The following HJURP variants were observed in gnomAD, a reference collection of about 807,000 sequenced individuals.
HJURP encodes the protein 14-3-3-associated AKT substrate.
HJURP carries 49 observed loss-of-function variants against 72.0 expected under a neutral mutation model. The ratio of observed to expected loss-of-function variants is 0.68; its 90% CI spans 0.54 to 0.86. The LOEUF (loss-of-function observed/expected upper bound fraction) is 0.86, where lower values mean the gene tolerates loss of function less well. HJURP is among the 40% of genes least tolerant of loss of function. The probability of loss-of-function intolerance (pLI) is 0.00; values close to 1 mark genes in which losing one functional copy is unlikely to be tolerated. For missense variants in HJURP, 908 were observed against 936.3 expected, an observed-to-expected ratio of 0.97 and a Z score of 0.39; for synonymous variants, 357 against 347.1, an observed-to-expected ratio of 1.03 and a Z score of -0.32.
chr2:233,849,615 G>C (rs1705450396), intron 4 of HJURP, 148 bp downstream of exon 4: 1 of 588,282 alleles, frequency 1.7e-6, no homozygotes, highest in Non-Finnish European at 3.0e-6. Context: ...GAATCAACAG[G>C]GTACTTTAAC....
chr2:233,851,325 AAC>A (rs1574651666), intron 3 of HJURP, among the ~76,000 whole-genome samples: 1 of 152,348 alleles, frequency 6.6e-6, no homozygotes, highest in East Asian at 1.9e-4. Context: ...AACCATTTCT[AAC>A]AGAGGCTTTA....
chr2:233,842,114 G>A lies in HJURP; in HGVS notation c.666C>T (p.Ser222=), dbSNP rs767879573. Residue 222 remains serine (S), a synonymous_variant, in exon 8 of 9, where the codon TCC becomes TCT. Transcript: ENST00000411486. The part of the protein sequence containing the change: ...PREWDPLHPS[S]TDMALVPRND... ...TTCTAGGTACTAAGGCCATGTCTGT[G>A]GAGGAAGGATGCAAAGGATCCCATT... 1.9e-6 allele frequency: 3 copies of A among 1,614,072 alleles called. No homozygotes were observed. Among genetic ancestry groups the A allele is most frequent in the Non-Finnish European group, 1.7e-6 (2 of 1,179,902 alleles).
At position 233,846,856 on chromosome 2, in the gene HJURP, G is replaced by T. The variant is rs192285745; in HGVS notation, c.402+541C>A. Among the ~76,000 whole-genome samples, 1 of 152,210 alleles carries T rather than the reference G, an allele frequency of 6.6e-6. No homozygotes were observed. Among genetic ancestry groups the T allele is most frequent in the Non-Finnish European group, 1.5e-5 (1 of 68,034 alleles). ...ATTCGCATCTATCCCAACCAAGGAG[G>T]ATAAGAAGCACATCCCATAAGAAAA... On this transcript the variant is annotated intron_variant, in intron 5 of 8. Coordinates refer to ENST00000411486, the MANE Select transcript of HJURP (RefSeq NM_018410.5). This position sits in a 1 kb window ranked among gnomAD's most constrained non-coding sequence, Gnocchi z 4.3.
Position 233,841,888 on chromosome 2 carries a change from T to C in HJURP, c.892A>G (p.Arg298Gly), listed in dbSNP as rs1306761019. 3 of 1,614,220 alleles carry C rather than the reference T, an allele frequency of 1.9e-6. No individual in the cohort carries two copies. The highest frequency in any genetic ancestry group is 2.5e-6 in the Non-Finnish European group (3 of 1,180,022). Residue 298 changes from arginine to glycine, a missense_variant, in exon 8 of 9, where the codon AGG (arginine) becomes GGG (glycine). By Grantham distance (125) the Arg-to-Gly change is moderately radical (BLOSUM62 -2). Transcript: ENST00000411486. The part of the protein sequence containing the change: ...FIMQNWNSRR[R>G]HRYKSRMNKT... ...TTCATCCTGCTCTTATATCTGTGCC[T>C]CCTCCTGGAGTTCCAGTTTTGCATG... is the stretch of plus-strand genomic sequence containing the variant.
intron 5 of HJURP, 78 bp downstream of exon 5, chr2:233,847,319 C>A: frequency 8.7e-7 from 1 of 1,147,070 alleles, no homozygotes; most frequent in East Asian, 2.4e-5. Flanking sequence ...CTGCCCGCCT[C>A]AGGCCACATG....
chr2:233,849,284 G>A (rs1208504815), intron 4 of HJURP, among the ~76,000 whole-genome samples: 3 of 152,156 alleles, frequency 2.0e-5, no homozygotes, highest in Non-Finnish European at 2.9e-5. Context: ...TCTAAATACC[G>A]ACGGATGGAT....
intron 3 of HJURP, among the ~76,000 whole-genome samples, chr2:233,852,118 T>C (rs1402424993): frequency 2.6e-5 from 4 of 152,192 alleles, no homozygotes; most frequent in Non-Finnish European, 4.4e-5. Flanking sequence ...AGATGTGTGA[T>C]CCTCCAGGCT....
In HJURP at chr2:233,846,350, G is replaced by A. The variant is rs898856080; in HGVS notation, c.403-530C>T. On this transcript the variant is annotated intron_variant, in intron 5 of 8. Transcript: ENST00000411486. This position sits in a 1 kb window ranked among gnomAD's most constrained non-coding sequence, Gnocchi z 4.3. ...GCCTGTAGTCCCAGCTACTTGGGAG[G>A]CTGAGGCAGGAGAATCGCTTGAACC... Among the ~76,000 whole-genome samples, 3 of 152,194 alleles carry A rather than the reference G, an allele frequency of 2.0e-5. No homozygotes were observed. Among genetic ancestry groups the A allele is most frequent in the African/African-American group, 7.2e-5 (3 of 41,424 alleles).
At chr2:233,853,991 TGA>T (rs1705555600) in intron 1 of HJURP, 81 bp from the exon 2 acceptor site, 1 of 1,284,732 alleles carries the variant, frequency 7.8e-7, no homozygotes, top group Non-Finnish European at 1.1e-6. Context: ...CGCCAGCCCG[TGA>T]GAGGCCGTTA....
In HJURP at chr2:233,840,850, G is replaced by T; in HGVS notation, c.1930C>A (p.Leu644Met). The T allele has an allele frequency of 6.2e-7, 1 of 1,614,130 alleles. No individual in the cohort carries two copies. Among genetic ancestry groups the T allele is most frequent in the Non-Finnish European group, 8.5e-7 (1 of 1,180,030 alleles). ...QGFQKLPSSP[L>M]GCRKSLLGST... The stretch of plus-strand genomic sequence containing the variant: ...CCCAGTAGACTTTTTCTGCACCCCA[G>T]GGGTGATGATGGCAACTTCTGGAAA... Residue 644 changes from leucine to methionine, a missense_variant, in exon 8 of 9, where the codon CTG (leucine) becomes ATG (methionine). Coordinates refer to ENST00000411486, the MANE Select transcript of HJURP (RefSeq NM_018410.5).
At chr2:233,842,251 A>T in intron 7 of HJURP, 46 bp from the exon 8 acceptor site, 4 of 1,497,680 alleles carry the variant, frequency 2.7e-6, no homozygotes, top group Non-Finnish European at 2.7e-6. Flanking sequence ...TACCATTCTA[A>T]ACCATCCATG....
intron 4 of HJURP, 93 bp from the exon 5 acceptor site, chr2:233,847,554 G>T: frequency 9.4e-7 from 1 of 1,067,388 alleles, no homozygotes; most frequent in Non-Finnish European, 1.4e-6. Context: ...CGAGTAAGTT[G>T]TACAGTAAAA....
intron 8 of HJURP, among the ~76,000 whole-genome samples, chr2:233,839,917 C>T (rs1408976643): frequency 1.3e-5 from 2 of 152,214 alleles, no homozygotes; most frequent in Non-Finnish European, 2.9e-5. Context: ...TCCTCCAGAT[C>T]CTGACTGTGG....
rs752786913 is a variant in HJURP at position 233,840,843 on chromosome 2, C to T, written c.1937G>A (p.Cys646Tyr). The change falls in exon 8 of 9, where the codon TGC becomes TAC. Residue 646 changes from cysteine (C) to tyrosine (Y), a missense_variant. Physicochemically the swap from Cys to Tyr is radical, Grantham distance 194 (BLOSUM62 -2). This residue lies in a region of HJURP where 598 missense variants were observed against 619.5 expected (regional missense o/e 0.97). Transcript: ENST00000411486. ...AGTTGAGCCCAGTAGACTTTTTCTG[C>T]ACCCCAGGGGTGATGATGGCAACTT... Reference protein sequence around the residue: ...FQKLPSSPLGCRKSLLGSTAI... With the variant: ...FQKLPSSPLGYRKSLLGSTAI... 3.1e-6 allele frequency: 5 copies of T among 1,613,752 alleles called. No individual in the cohort carries two copies. The highest frequency in any genetic ancestry group is 2.7e-5 in the African/African-American group (2 of 74,976).
Position 233,846,858 on chromosome 2 carries a change from T to A in HJURP, c.402+539A>T, listed in dbSNP as rs1484861535. 6.6e-6 allele frequency among the ~76,000 whole-genome samples: 1 copy of A among 152,166 alleles called. No individual in the cohort carries two copies. The highest frequency in any genetic ancestry group is 1.5e-5 in the Non-Finnish European group (1 of 68,030). ...TCGCATCTATCCCAACCAAGGAGGA[T>A]AAGAAGCACATCCCATAAGAAAACG... On this transcript the variant is annotated intron_variant, in intron 5 of 8. Transcript: ENST00000411486. This position sits in a 1 kb window ranked among gnomAD's most constrained non-coding sequence, Gnocchi z 4.3.
At position 233,846,762 on chromosome 2, in the gene HJURP, A is replaced by G. The variant is rs987002465; in HGVS notation, c.402+635T>C. Among the ~76,000 whole-genome samples the G allele has an allele frequency of 1.3e-5, 2 of 152,246 alleles. No individual in the cohort carries two copies. Among genetic ancestry groups the G allele is most frequent in the Admixed American group, 1.3e-4 (2 of 15,294 alleles). On this transcript the variant is annotated intron_variant, in intron 5 of 8. Transcript: ENST00000411486. The surrounding 1 kb of genome is among the most constrained non-coding windows in gnomAD (Gnocchi z 4.3). ...TTTAGAGGAAAACCATGCATCAGGT[A>G]TTCTGGCAGGCAACAGAGTGTGACA...
chr2:233,844,062 A>G, intron 7 of HJURP, 143 bp downstream of exon 7: 1 of 651,240 alleles, frequency 1.5e-6, no homozygotes, highest in Non-Finnish European at 2.7e-6. Flanking sequence ...AGTGAAATCC[A>G]AGTATATCTC....
At position 233,837,340 on chromosome 2, in the gene HJURP, A is replaced by G; in HGVS notation, c.*237T>C. ...AATAACCCCCCCCCAAAAAAAACACACACATCAGAAAAACAGGCCTATCAA... is the reference window on the plus strand; with the variant it reads ...AATAACCCCCCCCCAAAAAAAACACGCACATCAGAAAAACAGGCCTATCAA... On this transcript the variant is annotated 3_prime_UTR_variant, in exon 9 of 9. Transcript: ENST00000411486. The G allele has an allele frequency of 3.0e-6, 1 of 334,432 alleles. No individual in the cohort carries two copies. Among genetic ancestry groups the G allele is most frequent in the South Asian group, 4.1e-5 (1 of 24,654 alleles). The allele number at this position is 334,432 out of a possible 1,614,324, so 20.7% of individuals were successfully genotyped here. A position where few individuals can be genotyped will look rare whatever the true frequency, so the allele number is the denominator to read the frequency against.
Position 233,846,948 on chromosome 2 carries a change from G to A in HJURP, c.402+449C>T, listed in dbSNP as rs1705377109. Reference sequence around the variant, plus strand: ...CATATAGATGACACTTACTGTTTGGGTTAGTGACGGCTGCCCAATGAGGCG... The same window carrying A: ...CATATAGATGACACTTACTGTTTGGATTAGTGACGGCTGCCCAATGAGGCG... On this transcript the variant is annotated intron_variant, in intron 5 of 8. Coordinates refer to ENST00000411486, the MANE Select transcript of HJURP (RefSeq NM_018410.5). The surrounding 1 kb of genome is among the most constrained non-coding windows in gnomAD (Gnocchi z 4.3). Among the ~76,000 whole-genome samples the A allele has an allele frequency of 6.6e-6, 1 of 152,174 alleles. No homozygotes were observed. The highest frequency in any genetic ancestry group is 2.4e-5 in the African/African-American group (1 of 41,442).
Sources: allele counts gnomAD v4.1 joint callset (sites outside exome capture counted in the v4.1 genomes callset), GRCh38; gene constraint gnomAD v4.1.1; regional missense constraint gnomAD v4.1.1; non-coding constraint Gnocchi (gnomAD v3.1); transcripts MANE v1.5; gene names NCBI Gene and HGNC (gene_info 2026-07-23, HGNC 2026-07-21).